SNX4: variants seen among roughly 807,000 people sequenced by gnomAD.
SNX4 encodes the protein sorting nexin-4.
Under a neutral mutation model 70.8 loss-of-function variants are expected in SNX4, and 49 were observed. That is an observed-to-expected ratio of 0.69 (90% CI 0.55 to 0.88). The LOEUF is 0.88. Ranked by LOEUF, SNX4 falls within the 40% of genes least tolerant of loss-of-function variation. SNX4 has a pLI of 0.00. For missense variants in SNX4, 528 were observed against 544.8 expected (o/e 0.97, Z 0.31); for synonymous variants, 206 against 183.8 (o/e 1.12, Z -0.98).
intron 6 of SNX4, among the ~76,000 whole-genome samples, chr3:125,485,457 C>A (rs539515779): frequency 5.7e-4 from 86 of 152,184 alleles, no homozygotes; most frequent in African/African-American, 2.1e-3. Context: ...GCCACCATGC[C>A]TGGCTAATTT....
intron 9 of SNX4, among the ~76,000 whole-genome samples, chr3:125,468,275 A>G (rs780016528): frequency 6.6e-6 from 1 of 152,254 alleles, no homozygotes; most frequent in Non-Finnish European, 1.5e-5. Flanking sequence ...GTGAGAATCG[A>G]AAAACCACCT....
At position 125,513,921 on chromosome 3, in the gene SNX4, C is replaced by T. The variant is rs568316514; in HGVS notation, c.141+6111G>A. Among the ~76,000 whole-genome samples the T allele has an allele frequency of 2.0e-5, 3 of 152,262 alleles. No individual in the cohort carries two copies. In the South Asian group the frequency reaches 6.2e-4, roughly 32 times the overall value. ...AATTTATTGCTCACAGTCCCGGAGG[C>T]TGGGAAGTCAGAGATCAAGGAACTG... On this transcript the variant is annotated intron_variant, in intron 1 of 13. Coordinates refer to ENST00000251775, the MANE Select transcript of SNX4 (RefSeq NM_003794.4).
intron 7 of SNX4, among the ~76,000 whole-genome samples, chr3:125,479,668 A>AACAT (rs1375265786): frequency 6.6e-6 from 1 of 152,164 alleles, no homozygotes; most frequent in Non-Finnish European, 1.5e-5. Context: ...TGGCACAGGC[A>AACAT]TGTTCTAAGG....
At chr3:125,486,488 T>C (rs1934536746) in intron 6 of SNX4, among the ~76,000 whole-genome samples, 1 of 151,958 alleles carries the variant, frequency 6.6e-6, no homozygotes, top group Non-Finnish European at 1.5e-5. Context: ...TTGCCGGGCG[T>C]GGTGGCGGGT....
intron 1 of SNX4, among the ~76,000 whole-genome samples, chr3:125,516,442 G>A (rs1372464612): frequency 6.6e-6 from 1 of 152,208 alleles, no homozygotes; most frequent in Non-Finnish European, 1.5e-5. Context: ...GATCAGTGGT[G>A]TTAAAACCAG....
chr3:125,498,273 A>T, intron 2 of SNX4, 79 bp from the exon 3 acceptor site: 1 of 1,278,306 alleles, frequency 7.8e-7, no homozygotes, highest in Non-Finnish European at 1.1e-6. Flanking sequence ...CTTTAAAATT[A>T]TAACTACAGA....
chr3:125,502,200 T>A (rs1934943292), intron 2 of SNX4, among the ~76,000 whole-genome samples: 1 of 152,052 alleles, frequency 6.6e-6, no homozygotes, highest in Admixed American at 6.6e-5. Context: ...GAAACAAAAA[T>A]CCTCTCACAG....
chr3:125,454,111 G>C (rs1394641748), intron 11 of SNX4, among the ~76,000 whole-genome samples, 156 bp from the exon 12 acceptor site: 1 of 152,196 alleles, frequency 6.6e-6, no homozygotes, highest in Non-Finnish European at 1.5e-5. Context: ...AAATAAGACA[G>C]ATACAAAAAG....
chr3:125,448,297 T>G (rs1933479728), intron 13 of SNX4, among the ~76,000 whole-genome samples: 1 of 151,044 alleles, frequency 6.6e-6, no homozygotes, highest in Non-Finnish European at 1.5e-5. Context: ...GCTTATTTTT[T>G]GTATTTTTTT....
intron 9 of SNX4, 28 bp downstream of exon 9, chr3:125,469,426 G>A: frequency 6.5e-7 from 1 of 1,530,852 alleles, no homozygotes; most frequent in Non-Finnish European, 9.0e-7. Context: ...TTCACCTCAG[G>A]CTTCACAAAA....
At chr3:125,506,546 G>A (rs1248278242) in intron 1 of SNX4, among the ~76,000 whole-genome samples, 1 of 139,944 alleles carries the variant, frequency 7.1e-6, no homozygotes, top group African/African-American at 2.7e-5. Context: ...TTGCTCTATC[G>A]CCAGGTCGGA....
chr3:125,515,748 G>T (rs566042223), intron 1 of SNX4, among the ~76,000 whole-genome samples: 44 of 151,898 alleles, frequency 2.9e-4, no homozygotes, highest in African/African-American at 9.6e-4. Flanking sequence ...GTAGAAAATG[G>T]TTTTTAAAAG....
chr3:125,458,814 C>CAAAAAAAAAAAAA (rs71148180), intron 10 of SNX4, among the ~76,000 whole-genome samples: 4 of 64,532 alleles, frequency 6.2e-5, no homozygotes, highest in African/African-American at 1.9e-4. Flanking sequence ...GACTCCGTCT[C>CAAAAAAAAAAAAA]AAAAAAAAAA....
At chr3:125,519,290 A>C (rs1179089235) in intron 1 of SNX4, among the ~76,000 whole-genome samples, 1 of 152,192 alleles carries the variant, frequency 6.6e-6, no homozygotes, top group Non-Finnish European at 1.5e-5. Context: ...TACAAATATA[A>C]GATGATACAT....
At chr3:125,490,214 C>G (rs1470713691) in intron 5 of SNX4, among the ~76,000 whole-genome samples, 2 of 151,896 alleles carry the variant, frequency 1.3e-5, no homozygotes, top group African/African-American at 4.8e-5. Context: ...TTTTCATAAT[C>G]TATATTTTAG....
At chr3:125,490,354 C>G (rs143792178) in intron 5 of SNX4, among the ~76,000 whole-genome samples, 2 of 151,308 alleles carry the variant, frequency 1.3e-5, no homozygotes, top group Non-Finnish European at 2.9e-5. Context: ...AACGCTGTCT[C>G]TACTAAAAAT....
At chr3:125,469,937 T>C (rs1218943670) in intron 8 of SNX4, among the ~76,000 whole-genome samples, 1 of 152,190 alleles carries the variant, frequency 6.6e-6, no homozygotes. Flanking sequence ...ACATACCTGA[T>C]TACATGCCAC....
rs367978946 is a variant in SNX4 at position 125,516,112 on chromosome 3, T to C, written c.141+3920A>G. Among the ~76,000 whole-genome samples the C allele has an allele frequency of 1.5e-4, 23 of 152,326 alleles. 1 individual carries two copies. The South Asian group carries it at 2.7e-3, about 18-fold the overall frequency. ...CCAGCTGCTCAATCACTCTGCTCCATCAGCATTCCCAGGTCTAGAGCACTC... is the reference window on the plus strand; with the variant it reads ...CCAGCTGCTCAATCACTCTGCTCCACCAGCATTCCCAGGTCTAGAGCACTC... On this transcript the variant is annotated intron_variant, in intron 1 of 13. Coordinates refer to ENST00000251775, the MANE Select transcript of SNX4 (RefSeq NM_003794.4).
chr3:125,489,393 A>C lies in SNX4; in HGVS notation c.653+15T>G. ...TCAAAACAACATTGTAACTGTTATT[A>C]AAACAAAACCTTACTTGTCTGGGTT... On this transcript the variant is annotated intron_variant, in intron 6 of 13. Transcript: ENST00000251775. 2 of 1,604,888 alleles carry C rather than the reference A, an allele frequency of 1.2e-6. No homozygotes were observed. The highest frequency in any genetic ancestry group is 1.1e-5 in the South Asian group (1 of 90,186).
Sources: allele counts gnomAD v4.1 joint callset (sites outside exome capture counted in the v4.1 genomes callset), GRCh38; gene constraint gnomAD v4.1.1; transcripts MANE v1.5; gene names NCBI Gene and HGNC (gene_info 2026-07-23, HGNC 2026-07-21).